The following MAX variants were observed in gnomAD, a reference collection of about 807,000 sequenced individuals.
The protein encoded by MAX is MYC associated transcriptional regulator X, also known as protein max.
Under a neutral mutation model 22.3 loss-of-function variants are expected in MAX, and 3 were observed. The observed-to-expected ratio is 0.13, with a 90% confidence interval of 0.06 to 0.35. The LOEUF (loss-of-function observed/expected upper bound fraction) is 0.35, where lower values mean the gene tolerates loss of function less well. Among genes scored for constraint, MAX ranks in the 10% least tolerant of loss-of-function variants. The pLI, the probability that MAX is intolerant of heterozygous loss-of-function variation, is 1.00. For missense variants in MAX, 119 were observed against 209.4 expected (o/e 0.57, Z 2.66); for synonymous variants, 72 against 77.7 (o/e 0.93, Z 0.39).
chr14:65,020,722 C>T (rs994898725), intron 3 of MAX, among the ~76,000 whole-genome samples: 10 of 149,168 alleles, frequency 6.7e-5, no homozygotes, highest in African/African-American at 2.2e-4. Context: ...GCATGAGCCA[C>T]CGCGCCCGGC....
rs966075842 is a variant in MAX at position 65,067,116 on chromosome 14, T to A, written c.171+26592A>T. On this transcript the variant is annotated intron_variant, in intron 3 of 3. Coordinates refer to the MAX transcript ENST00000341653. The stretch of plus-strand genomic sequence containing the variant: ...TGGGGGGTCACTTGAGCCTGAGAAG[T>A]AAAGGCTGCAGTAAGCCATGATTAT... 2.0e-5 allele frequency among the ~76,000 whole-genome samples: 3 copies of A among 147,716 alleles called. No homozygotes were observed. The Admixed American group carries it at 2.0e-4, about 10-fold the overall frequency.
At chr14:65,025,472 G>A (rs1461383476) in intron 3 of MAX, among the ~76,000 whole-genome samples, 1 of 152,116 alleles carries the variant, frequency 6.6e-6, no homozygotes, top group Non-Finnish European at 1.5e-5. Context: ...ATGACGATTT[G>A]GAAAGAAGGA....
Position 65,039,122 on chromosome 14 carries a change from A to G in MAX, c.172-32838T>C, listed in dbSNP as rs542623225. Among the ~76,000 whole-genome samples, 7 of 152,308 alleles carry G rather than the reference A, an allele frequency of 4.6e-5. No homozygotes were observed. The South Asian group carries it at 1.2e-3, about 27-fold the overall frequency. ...TTCATATTTAAGGATCCAGCACTGA[A>G]AAGCTGCTGGGGAGCTCTGCGAGAG... On this transcript the variant is annotated intron_variant, in intron 3 of 3. Transcript: ENST00000341653.
intron 3 of MAX, among the ~76,000 whole-genome samples, chr14:65,087,403 C>T (rs1164476484): frequency 6.6e-6 from 1 of 152,208 alleles, no homozygotes; most frequent in African/African-American, 2.4e-5. Flanking sequence ...CCTGTGAAAG[C>T]AGCCAGGAAG....
chr14:65,085,778 C>T (rs182034559), intron 3 of MAX, among the ~76,000 whole-genome samples: 2 of 152,226 alleles, frequency 1.3e-5, no homozygotes, highest in South Asian at 2.1e-4. Flanking sequence ...GTGAGCAGGG[C>T]TCATCAATAT....
At chr14:65,015,863 TC>T in intron 3 of MAX, 1 of 783,718 alleles carries the variant, frequency 1.3e-6, no homozygotes, top group Non-Finnish European at 2.0e-6. Context: ...TCCGGCAACT[TC>T]CTGAAACTCC....
intron 3 of MAX, chr14:65,053,383 G>T (rs368586407): frequency 1.0e-4 from 141 of 1,382,178 alleles, no homozygotes; most frequent in Non-Finnish European, 1.2e-4. Context: ...GGAAGGGAGA[G>T]GGGAGGAGAG....
chr14:65,067,812 T>G (rs2062947088), intron 3 of MAX, among the ~76,000 whole-genome samples: 1 of 147,606 alleles, frequency 6.8e-6, no homozygotes, highest in Non-Finnish European at 1.5e-5. Context: ...TTTTTTTTTT[T>G]GGTAGAGGCA....
At chr14:65,046,845 G>A (rs2062492584) in intron 3 of MAX, among the ~76,000 whole-genome samples, 1 of 101,914 alleles carries the variant, frequency 9.8e-6, no homozygotes, top group South Asian at 2.7e-4. Context: ...AGTTACAGGT[G>A]ATGTTTGCTT....
intron 3 of MAX, among the ~76,000 whole-genome samples, chr14:65,050,745 T>A (rs1432004282): frequency 1.3e-5 from 2 of 152,250 alleles, no homozygotes; most frequent in Non-Finnish European, 2.9e-5. Flanking sequence ...ACAGGGATTG[T>A]GCTGAGAGTA....
rs1437569983 is a variant in MAX at position 65,027,617 on chromosome 14, A to G, written c.172-21333T>C. The G allele has an allele frequency of 5.0e-6, 8 of 1,614,032 alleles. No individual in the cohort carries two copies. Among genetic ancestry groups the G allele is most frequent in the Non-Finnish European group, 5.1e-6 (6 of 1,179,978 alleles). ...ATTAACAGGTACAGTGAAAGCCAGC[A>G]GTGACAGAAACCTAGAGGAGTTCCC... On this transcript the variant is annotated intron_variant, in intron 3 of 3. Coordinates refer to the MAX transcript ENST00000341653. The surrounding 1 kb of genome is among the most constrained non-coding windows in gnomAD (Gnocchi z 5.7).
At chr14:65,006,265 G>C (rs749525042) in exon 4 of MAX, 1 of 1,613,812 alleles carries the variant, frequency 6.2e-7, no homozygotes, top group Non-Finnish European at 8.5e-7. Context: ...AGGTGGGAGG[G>C]TTAACTTCAT....
At chr14:65,042,188 T>G (rs945021726) in intron 3 of MAX, among the ~76,000 whole-genome samples, 2 of 151,448 alleles carry the variant, frequency 1.3e-5, no homozygotes, top group African/African-American at 4.9e-5. Context: ...GACCTGGGGT[T>G]GGGGGTGGGA....
chr14:65,087,123 A>G (rs1251221538), intron 3 of MAX, among the ~76,000 whole-genome samples: 3 of 152,142 alleles, frequency 2.0e-5, no homozygotes, highest in African/African-American at 7.2e-5. Flanking sequence ...GGGTTTGGGA[A>G]CCTCTGCCTA....
intron 3 of MAX, among the ~76,000 whole-genome samples, chr14:65,066,862 C>CAAAA (rs759184338): frequency 9.0e-5 from 8 of 88,832 alleles, no homozygotes; most frequent in East Asian, 6.8e-4. Context: ...AATTCCATCT[C>CAAAA]AAAAAAAAAA....
rs12590701 is a variant in MAX, at chr14:65,078,358, C to T, written c.172-322G>A. On this transcript the variant is annotated intron_variant, in intron 3 of 4. Transcript: ENST00000358664. The surrounding 1 kb of genome is among the most constrained non-coding windows in gnomAD (Gnocchi z 6.4). ...CTAGGATTATAGGTGTGCGCCACCA[C>T]GCCCATCTAATTTTTTTGTATTTTT... 0.088 allele frequency among the ~76,000 whole-genome samples: 13,286 copies of T among 151,686 alleles called. 1,293 individuals are homozygous for T. Among genetic ancestry groups the T allele is most frequent in the East Asian group, 0.23 (1,196 of 5,136 alleles).
At chr14:65,015,410 CTTTTTTT>C (rs888923691) in intron 3 of MAX, 21 of 155,738 alleles carry the variant, frequency 1.3e-4, no homozygotes, top group Admixed American at 3.4e-4. Flanking sequence ...GCCTTGTTAT[CTTTTTTT>C]TTTTTTTTTT....
Position 65,028,066 on chromosome 14 carries a change from A to G in MAX, c.172-21782T>C, listed in dbSNP as rs1471036306. Among the ~76,000 whole-genome samples the G allele has an allele frequency of 6.6e-6, 1 of 152,246 alleles. No individual in the cohort carries two copies. The highest frequency in any genetic ancestry group is 1.5e-5 in the Non-Finnish European group (1 of 68,044). On this transcript the variant is annotated intron_variant, in intron 3 of 3. Transcript: ENST00000341653. The surrounding 1 kb of genome is among the most constrained non-coding windows in gnomAD (Gnocchi z 4.4). ...TGTTTGGTACAAAATGATATACCAC[A>G]ATATAAATAACTGTATGGTGTAATG...
At position 65,079,820 on chromosome 14, in the gene MAX, A is replaced by G. The variant is rs752517043; in HGVS notation, c.172-1784T>C. Among the ~76,000 whole-genome samples, 9 of 152,364 alleles carry G rather than the reference A, an allele frequency of 5.9e-5. No individual in the cohort carries two copies. The East Asian group carries it at 7.7e-4, about 13-fold the overall frequency. ...AGGTTTGTAAGGCCCGTGCTTATTCATAAGTCCTCACAAGTACTAGAATTT... is the reference window on the plus strand; with the variant it reads ...AGGTTTGTAAGGCCCGTGCTTATTCGTAAGTCCTCACAAGTACTAGAATTT... On this transcript the variant is annotated intron_variant, in intron 3 of 4. Coordinates refer to ENST00000358664, the MANE Select transcript of MAX (RefSeq NM_002382.5). The surrounding 1 kb of genome is among the most constrained non-coding windows in gnomAD (Gnocchi z 4.5).
Sources: allele counts gnomAD v4.1 joint callset (sites outside exome capture counted in the v4.1 genomes callset), GRCh38; gene constraint gnomAD v4.1.1; non-coding constraint Gnocchi (gnomAD v3.1); transcripts MANE v1.5; gene names NCBI Gene and HGNC (gene_info 2026-07-23, HGNC 2026-07-21).